Variants in AGO1 observed in about 807,000 individuals in gnomAD.
The protein encoded by AGO1 is protein argonaute-1.
A neutral mutation model predicts 109.2 loss-of-function variants in AGO1; 11 were observed. The ratio of observed to expected loss-of-function variants is 0.10; its 90% confidence interval spans 0.06 to 0.17. The LOEUF (loss-of-function observed/expected upper bound fraction) is 0.17. AGO1 is among the 10% of genes least tolerant of loss of function. The probability of loss-of-function intolerance (pLI) is 1.00; values close to 1 mark genes in which losing one functional copy is unlikely to be tolerated. For synonymous variants in AGO1, 422 were observed against 418.6 expected (o/e 1.01, Z -0.10); for missense variants, 574 against 1,140.3 (o/e 0.50, Z 7.15).
chr1:35,915,301 G>A (rs1253145222), intron 14 of AGO1, 47 bp from the exon 15 acceptor site: 1 of 1,558,030 alleles, frequency 6.4e-7, no homozygotes. Context: ...TAGCCTGACA[G>A]TGAAGGTGAA....
rs935986859 is a variant in AGO1, at chr1:35,893,689, C to T, written c.528C>T (p.Gly176=). 6.2e-6 allele frequency: 10 copies of T among 1,612,844 alleles called. No individual in the cohort carries two copies. Among genetic ancestry groups the T allele is most frequent in the Non-Finnish European group, 8.5e-6 (10 of 1,179,588 alleles). The change falls in exon 5 of 19, where the codon GGC becomes GGT. Residue 176 remains glycine, a synonymous_variant. Transcript: ENST00000373204. The surrounding 1 kb of genome is among the most constrained non-coding windows in gnomAD (Gnocchi z 5.6). The part of the protein sequence containing the change: ...HLASMRYTPV[G]RSFFSPPEGY... ...TCCCTGCCAGGTACACCCCTGTGGG[C>T]CGCTCCTTCTTCTCACCGCCTGAGG...
In AGO1 at chr1:35,917,606, A is replaced by T. The variant is rs896742034; in HGVS notation, c.2042A>T (p.Glu681Val). Residue 681 changes from glutamate (E) to valine (V), a missense_variant, in exon 16 of 19, where the codon GAG becomes GTG. Physicochemically the swap from Glu to Val is moderately radical, Grantham distance 121. Around this residue, in one of 8 missense-constraint regions of AGO1, gnomAD observed 45 missense variants for 61.3 expected, o/e 0.73. Coordinates refer to ENST00000373204, the MANE Select transcript of AGO1 (RefSeq NM_012199.5). ...TTTTGTGCCTAGATACTCCACTATG[A>T]GCTACTGGCCATTCGTGATGCCTGC... ...EGQLPQILHYELLAIRDACIK... is the reference protein window; with the variant it reads ...EGQLPQILHYVLLAIRDACIK... 2 of 1,612,906 alleles carry T rather than the reference A, an allele frequency of 1.2e-6. No homozygotes were observed. The highest frequency in any genetic ancestry group is 1.7e-6 in the Non-Finnish European group (2 of 1,179,188).
rs149111051 is a variant in AGO1 at position 35,896,905 on chromosome 1, T to C, written c.1020+1636T>C. ...TAAGTAGATAGTAGGTGATATTTACTGTAAGCAGAGATTTGTTAGCAAATT... is the reference window on the plus strand; with the variant it reads ...TAAGTAGATAGTAGGTGATATTTACCGTAAGCAGAGATTTGTTAGCAAATT... On this transcript the variant is annotated intron_variant, in intron 8 of 18. Transcript: ENST00000373204. Among the ~76,000 whole-genome samples the C allele has an allele frequency of 4.5e-3, 689 of 152,364 alleles. 10 individuals are homozygous for C. Among genetic ancestry groups the C allele is most frequent in the African/African-American group, 0.016 (650 of 41,572 alleles).
chr1:35,892,771 C>A, intron 3 of AGO1, 94 bp downstream of exon 3: 4 of 1,518,014 alleles, frequency 2.6e-6, no homozygotes, highest in Non-Finnish European at 3.6e-6. Flanking sequence ...TCCTTTTCAT[C>A]TTTTGTGCTG....
Position 35,892,454 on chromosome 1 carries a change from A to C in AGO1, c.210-103A>C, listed in dbSNP as rs72902967. The C allele has an allele frequency of 6.3e-3, 9,116 of 1,445,162 alleles. 392 individuals are homozygous for C. The African/African-American group carries it at 0.096, about 15-fold the overall frequency. 89.5% of individuals were successfully genotyped at this position (1,445,162 alleles called of 1,614,324 possible). A position where few individuals can be genotyped will look rare whatever the true frequency, so the allele number is the denominator to read the frequency against. The stretch of plus-strand genomic sequence containing the variant: ...GCACTGTCATAGAGTAGATGTTAGG[A>C]GTGAGTATAATAGATGGGACATTGC... On this transcript the variant is annotated intron_variant, in intron 2 of 18. Coordinates refer to ENST00000373204, the MANE Select transcript of AGO1 (RefSeq NM_012199.5).
At position 35,927,362 on chromosome 1, in the gene AGO1, C is replaced by T. The variant is rs1645950670; in HGVS notation, c.*7755C>T. 1.3e-5 allele frequency: 2 copies of T among 152,118 alleles called. No individual in the cohort carries two copies. Among genetic ancestry groups the T allele is most frequent in the Non-Finnish European group, 2.9e-5 (2 of 68,022 alleles). 9.4% of individuals were successfully genotyped at this position (152,118 alleles called of 1,614,324 possible). A position where few individuals can be genotyped will look rare whatever the true frequency, so the allele number is the denominator to read the frequency against. On this transcript the variant is annotated 3_prime_UTR_variant, in exon 19 of 19. Coordinates refer to ENST00000373204, the MANE Select transcript of AGO1 (RefSeq NM_012199.5). ...GGTTAATTCAGTGGCTCAGTGATAA[C>T]ACCAAAGACTCAGTTTCTTGAAATT...
Position 35,889,473 on chromosome 1 carries a change from A to G in AGO1, c.209+863A>G, listed in dbSNP as rs966646669. On this transcript the variant is annotated intron_variant, in intron 2 of 18. Transcript: ENST00000373204. ...GTGACCTGCCCACTTTGGCCTCGCA[A>G]AGTGCTGGGATTACAGGCGTGAGCC... Among the ~76,000 whole-genome samples, 21 of 151,876 alleles carry G rather than the reference A, an allele frequency of 1.4e-4. 1 individual carries two copies. Among genetic ancestry groups the G allele is most frequent in the African/African-American group, 4.8e-4 (20 of 41,368 alleles).
chr1:35,878,733 CT>C (rs1475794723), upstream of AGO1, among the ~76,000 whole-genome samples: 1 of 152,158 alleles, frequency 6.6e-6, no homozygotes, highest in Non-Finnish European at 1.5e-5. Context: ...TCACATACAT[CT>C]CATGAAGTTT....
At position 35,919,765 on chromosome 1, in the gene AGO1, C is replaced by T; in HGVS notation, c.*158C>T. The T allele has an allele frequency of 3.1e-6, 2 of 637,668 alleles. 1 individual carries two copies. Among genetic ancestry groups the T allele is most frequent in the South Asian group, 4.1e-5 (2 of 49,200 alleles). The allele number at this position is 637,668 out of a possible 1,614,324, so 39.5% of individuals were successfully genotyped here. ...ATAGAGGTGGTGTAAGAGTGGGGAACAGGGCCAGCAAGACAGACCACCAGC... is the reference window on the plus strand; with the variant it reads ...ATAGAGGTGGTGTAAGAGTGGGGAATAGGGCCAGCAAGACAGACCACCAGC... On this transcript the variant is annotated 3_prime_UTR_variant, in exon 19 of 19. Transcript: ENST00000373204. The surrounding 1 kb of genome is among the most constrained non-coding windows in gnomAD (Gnocchi z 6.6).
intron 12 of AGO1, among the ~76,000 whole-genome samples, chr1:35,912,284 G>A (rs1416440873): frequency 2.7e-5 from 4 of 150,124 alleles, no homozygotes; most frequent in African/African-American, 9.8e-5. Flanking sequence ...GTGTGAACCC[G>A]GGAGGCGGAG....
At chr1:35,876,562 G>T (rs1022529744) in intron 1 of AGO1, among the ~76,000 whole-genome samples, 2 of 152,220 alleles carry the variant, frequency 1.3e-5, no homozygotes, top group East Asian at 3.9e-4. Context: ...CACTGTGCCC[G>T]GCTGGAAATC....
At chr1:35,891,308 A>G (rs1040081467) in intron 2 of AGO1, among the ~76,000 whole-genome samples, 2 of 152,228 alleles carry the variant, frequency 1.3e-5, no homozygotes, top group African/African-American at 4.8e-5. Context: ...TGAAGGAATA[A>G]TGGACACCCT....
rs1362617855 is a variant in AGO1 at position 35,922,593 on chromosome 1, G to GGCCGGCCTGCCT, written c.*2990_*3001dup. The GGCCGGCCTGCCT allele has an allele frequency of 3.9e-5, 6 of 152,982 alleles. No homozygotes were observed. Among genetic ancestry groups the GGCCGGCCTGCCT allele is most frequent in the Non-Finnish European group, 7.2e-5 (5 of 69,438 alleles). 9.5% of individuals were successfully genotyped at this position (152,982 alleles called of 1,614,324 possible). ...CTTCTATTCACTCTGCTTGCTTGCT[G>GGCCGGCCTGCCT]GCCGGCCTGCCTGCCTGCCTGCCTG... On this transcript the variant is annotated 3_prime_UTR_variant, in exon 19 of 19. Transcript: ENST00000373204.
rs1276981531 is a variant in AGO1 at position 35,926,614 on chromosome 1, A to T, written c.*7007A>T. 1 of 152,182 alleles carries T rather than the reference A, an allele frequency of 6.6e-6. No homozygotes were observed. The highest frequency in any genetic ancestry group is 1.9e-4 in the East Asian group (1 of 5,198). The allele number at this position is 152,182 out of a possible 1,614,324, so 9.4% of individuals were successfully genotyped here. A position where few individuals can be genotyped will look rare whatever the true frequency, so the allele number is the denominator to read the frequency against. On this transcript the variant is annotated 3_prime_UTR_variant, in exon 19 of 19. Coordinates refer to ENST00000373204, the MANE Select transcript of AGO1 (RefSeq NM_012199.5). ...TGAATGGGAAGTAATGTCGAATTGG[A>T]AAATTAGCTCACCATTTTTGTTCTA...
chr1:35,888,745 C>T lies in AGO1; in HGVS notation c.209+135C>T, dbSNP rs1403220499. 5 of 941,518 alleles carry T rather than the reference C, an allele frequency of 5.3e-6. No homozygotes were observed. Among genetic ancestry groups the T allele is most frequent in the East Asian group, 2.7e-5 (1 of 37,316 alleles). 58.3% of individuals were successfully genotyped at this position (941,518 alleles called of 1,614,324 possible). On this transcript the variant is annotated intron_variant, in intron 2 of 18. Transcript: ENST00000373204. This position sits in a 1 kb window ranked among gnomAD's most constrained non-coding sequence, Gnocchi z 4.1. ...AGTTTTTGAACGGGAGATGCCACGT[C>T]GGGTAAATGCTGAAAAATAGTCCAA...
At chr1:35,898,413 C>T (rs550104738) in intron 8 of AGO1, among the ~76,000 whole-genome samples, 1 of 152,080 alleles carries the variant, frequency 6.6e-6, no homozygotes, top group Admixed American at 6.5e-5. Flanking sequence ...CCGACCACCA[C>T]GCCTGGCTAA....
At chr1:35,886,825 T>C (rs1571341308) in intron 1 of AGO1, among the ~76,000 whole-genome samples, 2 of 152,328 alleles carry the variant, frequency 1.3e-5, no homozygotes, top group East Asian at 3.9e-4. Flanking sequence ...TGTTGAATAC[T>C]TCCTGTGTGT....
intron 1 of AGO1, among the ~76,000 whole-genome samples, chr1:35,872,398 C>G (rs1157791045): frequency 6.6e-6 from 1 of 152,008 alleles, no homozygotes; most frequent in Non-Finnish European, 1.5e-5. Flanking sequence ...ATTGGCCATG[C>G]TGGTCTTGAA....
intron 8 of AGO1, 87 bp downstream of exon 8, chr1:35,895,356 T>C (rs1645299350): frequency 7.0e-7 from 1 of 1,427,272 alleles, no homozygotes. Flanking sequence ...ATTTTGAAGT[T>C]TGGAAAACTG....
Sources: allele counts gnomAD v4.1 joint callset (sites outside exome capture counted in the v4.1 genomes callset), GRCh38; gene constraint gnomAD v4.1.1; regional missense constraint gnomAD v4.1.1; non-coding constraint Gnocchi (gnomAD v3.1); transcripts MANE v1.5; gene names NCBI Gene and HGNC (gene_info 2026-07-23, HGNC 2026-07-21).